RBPMS: variants seen among roughly 807,000 people sequenced by gnomAD.
RBPMS encodes the protein RNA-binding protein with multiple splicing.
A neutral mutation model predicts 26.8 loss-of-function variants in RBPMS; 7 were observed. The ratio of observed to expected loss-of-function variants is 0.26; its 90% CI spans 0.15 to 0.49. The LOEUF is 0.49. RBPMS is among the 20% of genes least tolerant of loss of function. RBPMS has a pLI of 0.98. For missense variants in RBPMS, 186 were observed against 250.0 expected, an observed-to-expected ratio of 0.74 and a Z score of 1.73; for synonymous variants, 96 against 93.3, an observed-to-expected ratio of 1.03 and a Z score of -0.17.
At chr8:30,428,587 T>A (rs1811607179) in intron 1 of RBPMS, among the ~76,000 whole-genome samples, 1 of 152,156 alleles carries the variant, frequency 6.6e-6, no homozygotes, top group African/African-American at 2.4e-5. Flanking sequence ...GTACAGAAAT[T>A]AAGTTAATTC....
intron 1 of RBPMS, among the ~76,000 whole-genome samples, chr8:30,425,940 C>G (rs1286608226): frequency 6.6e-6 from 1 of 152,138 alleles, no homozygotes; most frequent in African/African-American, 2.4e-5. Flanking sequence ...CCTTTGAGAC[C>G]AGGCGGCTGC....
intron 1 of RBPMS, among the ~76,000 whole-genome samples, chr8:30,446,503 C>T (rs138340706): frequency 9.9e-4 from 150 of 152,222 alleles, no homozygotes; most frequent in African/African-American, 3.5e-3. Context: ...CCTAATAGTG[C>T]GTGTATGTGT....
At chr8:30,564,708 TG>T (rs1174789379) in intron 7 of RBPMS, 1 of 152,320 alleles carries the variant, frequency 6.6e-6, no homozygotes, top group Non-Finnish European at 1.5e-5. Context: ...GACTCTTCCC[TG>T]GAAGAAGTTC....
At chr8:30,530,263 ACCATG>A (rs1824069726) in intron 5 of RBPMS, among the ~76,000 whole-genome samples, 1 of 152,210 alleles carries the variant, frequency 6.6e-6, no homozygotes, top group Non-Finnish European at 1.5e-5. Context: ...TGGGCATCAC[ACCATG>A]TTGCAGAGAA....
rs761708521 is a variant in RBPMS at position 30,547,424 on chromosome 8, ATTTG to A, written c.528+2807_528+2810del. On this transcript the variant is annotated intron_variant, in intron 6 of 8. Transcript: ENST00000397323. ...CCAGCAGAGGGAGCTCCCATGTTGA[ATTTG>A]TTTGTTAGCTATTTTCCCCCCTTTC... 19 of 1,589,598 alleles carry A rather than the reference ATTTG, an allele frequency of 1.2e-5. 1 individual carries two copies. Among genetic ancestry groups the A allele is most frequent in the East Asian group, 6.7e-5 (3 of 44,620 alleles).
At position 30,504,166 on chromosome 8, in the gene RBPMS, G is replaced by C. The variant is rs1478856132; in HGVS notation, c.247-120G>C. On this transcript the variant is annotated intron_variant, in intron 4 of 8. Transcript: ENST00000397323. ...TAACCTGTGTAAGTAGTAAGAATGA[G>C]AGTGGTTGCTGACCTTTTTTCCTGA... The C allele has an allele frequency of 6.4e-6, 6 of 943,932 alleles. No individual in the cohort carries two copies. The South Asian group carries it at 8.7e-5, about 14-fold the overall frequency. 58.5% of individuals were successfully genotyped at this position (943,932 alleles called of 1,614,324 possible). A position where few individuals can be genotyped will look rare whatever the true frequency, so the allele number is the denominator to read the frequency against.
At chr8:30,463,479 A>G (rs1816172267) in intron 1 of RBPMS, among the ~76,000 whole-genome samples, 1 of 152,224 alleles carries the variant, frequency 6.6e-6, no homozygotes, top group African/African-American at 2.4e-5. Context: ...AAATATTATC[A>G]CAACATGACA....
intron 5 of RBPMS, among the ~76,000 whole-genome samples, chr8:30,511,471 G>GAAAAAAAAAAAA (rs1188894079): frequency 8.9e-5 from 1 of 11,212 alleles, no homozygotes; most frequent in African/African-American, 2.5e-4. Flanking sequence ...AACAAAAAAA[G>GAAAAAAAAAAAA]AAAAAAAAAA....
chr8:30,428,637 G>C (rs150056891), intron 1 of RBPMS, among the ~76,000 whole-genome samples: 1 of 152,088 alleles, frequency 6.6e-6, no homozygotes, highest in Non-Finnish European at 1.5e-5. Flanking sequence ...ATAAAATAAA[G>C]AAATCTAAAT....
chr8:30,501,587 CTG>C lies in RBPMS; in HGVS notation c.247-2697_247-2696del, dbSNP rs1820562720. Among the ~76,000 whole-genome samples the C allele has an allele frequency of 2.0e-5, 3 of 152,134 alleles. No individual in the cohort carries two copies. The South Asian group carries it at 6.2e-4, about 32-fold the overall frequency. On this transcript the variant is annotated intron_variant, in intron 4 of 8. Coordinates refer to ENST00000397323, the MANE Select transcript of RBPMS (RefSeq NM_001008710.3). Reference sequence around the variant, plus strand: ...GTCAGATTGGGGTGCTTGTAAGTAACTGTTTATATTCAAATTAATATACTAAT... The same window carrying C: ...GTCAGATTGGGGTGCTTGTAAGTAACTTTATATTCAAATTAATATACTAAT...
At chr8:30,447,408 A>C (rs993790800) in intron 1 of RBPMS, among the ~76,000 whole-genome samples, 4 of 152,230 alleles carry the variant, frequency 2.6e-5, no homozygotes, top group African/African-American at 9.6e-5. Flanking sequence ...GTTAGCGGTT[A>C]GAATAGTAAA....
At chr8:30,499,789 C>G (rs1379718616) in intron 4 of RBPMS, among the ~76,000 whole-genome samples, 3 of 151,872 alleles carry the variant, frequency 2.0e-5, no homozygotes, top group Admixed American at 1.3e-4. Context: ...AAGAGATGTC[C>G]TTGTTTTTAG....
At chr8:30,468,866 T>C (rs1175954481) in intron 1 of RBPMS, among the ~76,000 whole-genome samples, 1 of 151,934 alleles carries the variant, frequency 6.6e-6, no homozygotes, top group Non-Finnish European at 1.5e-5. Flanking sequence ...GAGAGATGAA[T>C]GTAGCCATTA....
chr8:30,502,910 T>C (rs1214100001), intron 4 of RBPMS, among the ~76,000 whole-genome samples: 1 of 151,944 alleles, frequency 6.6e-6, no homozygotes, highest in African/African-American at 2.4e-5. Context: ...GAAAATGTTC[T>C]TATGTTTCAC....
intron 1 of RBPMS, among the ~76,000 whole-genome samples, chr8:30,435,316 T>C (rs954992760): frequency 4.1e-4 from 62 of 152,202 alleles, no homozygotes; most frequent in African/African-American, 1.4e-3. Flanking sequence ...ATTATGTATA[T>C]GCAAATCTTC....
chr8:30,444,176 G>A (rs1813464963), intron 1 of RBPMS, among the ~76,000 whole-genome samples: 1 of 152,210 alleles, frequency 6.6e-6, no homozygotes, highest in South Asian at 2.1e-4. Flanking sequence ...GATTACAGGT[G>A]TGAGCCACCA....
At chr8:30,543,420 T>C (rs1001976457) in intron 5 of RBPMS, among the ~76,000 whole-genome samples, 1 of 152,184 alleles carries the variant, frequency 6.6e-6, no homozygotes, top group African/African-American at 2.4e-5. Context: ...AGGAATAAAG[T>C]GACTCTGTTG....
chr8:30,545,290 C>T, intron 6 of RBPMS: 1 of 1,201,228 alleles, frequency 8.3e-7, no homozygotes, highest in East Asian at 5.9e-5. Flanking sequence ...AACAAACTTC[C>T]TGTTTCTCCG....
chr8:30,461,774 T>C (rs535863810), intron 1 of RBPMS, among the ~76,000 whole-genome samples: 1 of 152,336 alleles, frequency 6.6e-6, no homozygotes, highest in East Asian at 1.9e-4. Context: ...CTTAGAAAAC[T>C]GTAGCACAAT....
Sources: allele counts gnomAD v4.1 joint callset (sites outside exome capture counted in the v4.1 genomes callset), GRCh38; gene constraint gnomAD v4.1.1; transcripts MANE v1.5; gene names NCBI Gene and HGNC (gene_info 2026-07-23, HGNC 2026-07-21).